The following SPTLC3 variants were observed in gnomAD, a reference collection of about 807,000 sequenced individuals.
The protein encoded by SPTLC3 is serine palmitoyltransferase long chain base subunit 3.
A neutral mutation model predicts 59.3 loss-of-function variants in SPTLC3; 36 were observed. That is an observed-to-expected ratio of 0.61 (90% CI 0.47 to 0.80). The LOEUF is 0.80. SPTLC3 is among the 30% of genes least tolerant of loss of function. The pLI, the probability that SPTLC3 is intolerant of heterozygous loss-of-function variation, is 0.00. For missense variants in SPTLC3, 625 were observed against 685.1 expected (o/e 0.91, Z 0.98); for synonymous variants, 257 against 240.8 (o/e 1.07, Z -0.62).
At chr20:13,055,589 T>C (rs1270857486) in intron 2 of SPTLC3, among the ~76,000 whole-genome samples, 1 of 152,216 alleles carries the variant, frequency 6.6e-6, no homozygotes, top group Non-Finnish European at 1.5e-5. Flanking sequence ...CTACAATCTA[T>C]TTTCTAACCT....
At chr20:13,160,878 A>G (rs1349847960) in intron 11 of SPTLC3, among the ~76,000 whole-genome samples, 1 of 152,216 alleles carries the variant, frequency 6.6e-6, no homozygotes, top group African/African-American at 2.4e-5. Flanking sequence ...ATTAGAGTGG[A>G]GAAGATTCAC....
chr20:13,102,287 A>G (rs1989627876), intron 6 of SPTLC3, among the ~76,000 whole-genome samples: 1 of 51,938 alleles, frequency 1.9e-5, no homozygotes, highest in African/African-American at 4.5e-4. Context: ...TTTAATGATA[A>G]TTAAAAGGTA....
At chr20:13,158,368 G>A (rs972946688) in intron 10 of SPTLC3, among the ~76,000 whole-genome samples, 4 of 152,088 alleles carry the variant, frequency 2.6e-5, no homozygotes, top group Admixed American at 6.5e-5. Context: ...CCAGGGAGAC[G>A]CCAGGTTAGA....
chr20:13,164,878 C>T lies in SPTLC3; in HGVS notation c.*11C>T, dbSNP rs963554621. Reference sequence around the variant, plus strand: ...GAACTCGAAGATTAAGTTTCCTGGTCCTGAATGACACATAAAGACTTTGCG... The same window carrying T: ...GAACTCGAAGATTAAGTTTCCTGGTTCTGAATGACACATAAAGACTTTGCG... On this transcript the variant is annotated 3_prime_UTR_variant, in exon 12 of 12. Transcript: ENST00000399002. 6.2e-7 allele frequency: 1 copy of T among 1,605,688 alleles called. No individual in the cohort carries two copies. The highest frequency in any genetic ancestry group is 1.3e-5 in the African/African-American group (1 of 74,672).
chr20:13,122,011 T>C (rs1396890612), intron 8 of SPTLC3, among the ~76,000 whole-genome samples: 1 of 152,222 alleles, frequency 6.6e-6, no homozygotes, highest in Non-Finnish European at 1.5e-5. Context: ...CTTCCTTGTC[T>C]GATCTTTGTC....
At chr20:13,013,785 T>C (rs894389172) in intron 1 of SPTLC3, among the ~76,000 whole-genome samples, 1 of 152,240 alleles carries the variant, frequency 6.6e-6, no homozygotes, top group African/African-American at 2.4e-5. Flanking sequence ...TATCTATTCC[T>C]ATGTAACAGC....
intron 1 of SPTLC3, among the ~76,000 whole-genome samples, chr20:13,028,638 A>G (rs764544570): frequency 1.3e-5 from 2 of 152,162 alleles, no homozygotes; most frequent in Non-Finnish European, 2.9e-5. Context: ...ATGTCTTTAA[A>G]GTGTTATAGA....
chr20:13,073,100 C>A (rs2122571395), intron 3 of SPTLC3, among the ~76,000 whole-genome samples: 1 of 152,206 alleles, frequency 6.6e-6, no homozygotes, highest in East Asian at 1.9e-4. Context: ...TTGAAATAGA[C>A]CATACATTAT....
intron 2 of SPTLC3, among the ~76,000 whole-genome samples, chr20:13,051,790 C>T (rs553917527): frequency 3.3e-5 from 5 of 152,188 alleles, no homozygotes; most frequent in East Asian, 3.9e-4. Flanking sequence ...AAGGAACCTT[C>T]AAAACCATGC....
intron 7 of SPTLC3, among the ~76,000 whole-genome samples, chr20:13,112,477 GC>G (rs1462511435): frequency 6.6e-6 from 1 of 152,196 alleles, no homozygotes; most frequent in Non-Finnish European, 1.5e-5. Context: ...CATGAGGCCA[GC>G]CCCGATTCAA....
Position 13,072,412 on chromosome 20 carries a change from T to A in SPTLC3, c.458+2T>A, listed in dbSNP as rs1305666687. 6.4e-7 allele frequency: 1 copy of A among 1,574,124 alleles called. No individual in the cohort carries two copies. The highest frequency in any genetic ancestry group is 8.6e-7 in the Non-Finnish European group (1 of 1,163,610). The stretch of plus-strand genomic sequence containing the variant: ...AGACGACTATAACTGGACGTTTAGG[T>A]GAGAGAACTTCTTGGAGGGGATTGG... On this transcript the variant is annotated splice_donor_variant, in intron 3 of 11. Transcript: ENST00000399002. LOFTEE classifies it high-confidence loss of function.
intron 1 of SPTLC3, among the ~76,000 whole-genome samples, chr20:13,031,104 A>G (rs1986420198): frequency 6.6e-6 from 1 of 152,142 alleles, no homozygotes; most frequent in South Asian, 2.1e-4. Flanking sequence ...ACATGAACAA[A>G]TGGATACAGC....
In SPTLC3 at chr20:13,093,526, G is replaced by A. The variant is rs539200059; in HGVS notation, c.775G>A (p.Val259Met). ...TGATGAGTTAAACCACACATCGCTT[G>A]TGCTTGGGGCCCGACTCTCAGGTGC... is the stretch of plus-strand genomic sequence containing the variant. ...LSDELNHTSL[V>M]LGARLSGATI... The change falls in exon 6 of 12, where the codon GTG (valine) becomes ATG (methionine). Residue 259 changes from valine to methionine, a missense_variant. Val to Met is a conservative substitution (Grantham distance 21). Coordinates refer to ENST00000399002, the MANE Select transcript of SPTLC3 (RefSeq NM_018327.4). 2 of 1,613,590 alleles carry A rather than the reference G, an allele frequency of 1.2e-6. No homozygotes were observed. The highest frequency in any genetic ancestry group is 1.7e-5 in the Admixed American group (1 of 59,998).
At chr20:13,075,637 A>T (rs1568590165) in intron 4 of SPTLC3, among the ~76,000 whole-genome samples, 1 of 152,180 alleles carries the variant, frequency 6.6e-6, no homozygotes, top group Non-Finnish European at 1.5e-5. Context: ...AGATGAAAAC[A>T]GGAGGCTTTA....
chr20:13,075,931 T>C (rs1278588954), intron 4 of SPTLC3, among the ~76,000 whole-genome samples: 1 of 152,184 alleles, frequency 6.6e-6, no homozygotes, highest in African/African-American at 2.4e-5. Flanking sequence ...GGAAGCCAGA[T>C]ATGGAACATG....
intron 4 of SPTLC3, among the ~76,000 whole-genome samples, chr20:13,083,965 C>T (rs1357919098): frequency 6.6e-6 from 1 of 152,112 alleles, no homozygotes; most frequent in African/African-American, 2.4e-5. Flanking sequence ...CAGTATCTAG[C>T]GTTCAAGCCA....
intron 11 of SPTLC3, among the ~76,000 whole-genome samples, chr20:13,163,057 T>C (rs748809867): frequency 6.6e-6 from 1 of 151,958 alleles, no homozygotes; most frequent in Non-Finnish European, 1.5e-5. Flanking sequence ...CAAATAAAAG[T>C]TTAAAAGGTT....
intron 9 of SPTLC3, among the ~76,000 whole-genome samples, chr20:13,127,619 G>T (rs1191232161): frequency 6.6e-6 from 1 of 152,198 alleles, no homozygotes; most frequent in Non-Finnish European, 1.5e-5. Context: ...ATATAAAACA[G>T]ATAAGAACAA....
intron 4 of SPTLC3, among the ~76,000 whole-genome samples, chr20:13,090,160 T>C (rs1229301444): frequency 6.6e-6 from 1 of 152,132 alleles, no homozygotes; most frequent in Non-Finnish European, 1.5e-5. Context: ...CATAAGGGGA[T>C]TATGTTTAAG....
Sources: gnomAD v4.1 joint callset for allele counts (sites outside exome capture counted in the v4.1 genomes callset) on GRCh38, gnomAD v4.1.1 for gene constraint, MANE v1.5 for transcripts, NCBI Gene and HGNC (gene_info 2026-07-23, HGNC 2026-07-21) for gene names.